CHSY3: variants seen among roughly 807,000 people sequenced by gnomAD.
CHSY3 encodes chondroitin sulfate synthase 3.
A neutral mutation model predicts 67.2 loss-of-function variants in CHSY3; 35 were observed. The ratio of observed to expected loss-of-function variants is 0.52; its 90% CI spans 0.40 to 0.69. CHSY3 has a LOEUF of 0.69. Ranked by LOEUF, CHSY3 falls within the 30% of genes least tolerant of loss-of-function variation. The pLI, the probability that CHSY3 is intolerant of heterozygous loss-of-function variation, is 0.00. For synonymous variants in CHSY3, 474 were observed against 434.7 expected (o/e 1.09, Z -1.12); for missense variants, 1,069 against 1,138.5 (o/e 0.94, Z 0.88).
chr5:130,044,011 G>A lies in CHSY3; in HGVS notation c.1086+135651G>A, dbSNP rs527303153. On this transcript the variant is annotated intron_variant, in intron 2 of 2. Transcript: ENST00000305031. Reference sequence around the variant, plus strand: ...TCAATATGGAGATATCAGGCACACAGCCGAATGGAGTCTGAAGCTCAGAGA... The same window carrying A: ...TCAATATGGAGATATCAGGCACACAACCGAATGGAGTCTGAAGCTCAGAGA... Among the ~76,000 whole-genome samples the A allele has an allele frequency of 1.7e-3, 263 of 152,216 alleles. 2 individuals carry two copies. The highest frequency in any genetic ancestry group is 6.1e-3 in the African/African-American group (255 of 41,558).
At chr5:130,104,497 G>T (rs1228078088) in intron 2 of CHSY3, among the ~76,000 whole-genome samples, 2 of 151,830 alleles carry the variant, frequency 1.3e-5, no homozygotes, top group Non-Finnish European at 3.0e-5. Context: ...GGGGGGAAGA[G>T]ATTACCTATT....
intron 2 of CHSY3, among the ~76,000 whole-genome samples, chr5:129,927,512 G>A (rs913752798): frequency 6.6e-6 from 1 of 151,872 alleles, no homozygotes; most frequent in African/African-American, 2.4e-5. Context: ...CAAGTATGTC[G>A]TTTGCAGAAT....
chr5:130,166,516 T>C (rs1769753055), intron 2 of CHSY3, among the ~76,000 whole-genome samples: 1 of 152,132 alleles, frequency 6.6e-6, no homozygotes, highest in Non-Finnish European at 1.5e-5. Context: ...AGTCCTTGTA[T>C]CTTCATTTCC....
In CHSY3 at chr5:130,094,027, A is replaced by G. The variant is rs371309974; in HGVS notation, c.1087-90202A>G. 1.3e-4 allele frequency among the ~76,000 whole-genome samples: 20 copies of G among 152,292 alleles called. No homozygotes were observed. In the East Asian group the frequency reaches 1.7e-3, roughly 13 times the overall value. ...ATCATAATGCATACAAAAATGCACAAGCACTTTCTGCATGAGCCATTTGTT... is the reference window on the plus strand; with the variant it reads ...ATCATAATGCATACAAAAATGCACAGGCACTTTCTGCATGAGCCATTTGTT... On this transcript the variant is annotated intron_variant, in intron 2 of 2. Transcript: ENST00000305031.
chr5:130,086,932 C>G (rs1235491510), intron 2 of CHSY3, among the ~76,000 whole-genome samples: 1 of 152,096 alleles, frequency 6.6e-6, no homozygotes, highest in Non-Finnish European at 1.5e-5. Context: ...AATTTTAGAC[C>G]AATATCCTTG....
At chr5:130,111,275 AT>A (rs143157726) in intron 2 of CHSY3, among the ~76,000 whole-genome samples, 11,992 of 152,158 alleles carry the variant, frequency 0.079, 732 homozygotes, top group African/African-American at 0.18. Context: ...GTTTTTAACC[AT>A]ATTGCTAGAA....
In CHSY3 at chr5:129,904,803, C is replaced by A; in HGVS notation, c.-27C>A. 3.7e-6 allele frequency: 5 copies of A among 1,361,766 alleles called. No individual in the cohort carries two copies. Among genetic ancestry groups the A allele is most frequent in the Non-Finnish European group, 4.7e-6 (5 of 1,056,430 alleles). 84.4% of individuals were successfully genotyped at this position (1,361,766 alleles called of 1,614,324 possible). ...CGCGTGCCGCGCCGCGACAGCCCAG[C>A]GAGCGTCCGCGCCCGGGACAGCCGC... On this transcript the variant is annotated 5_prime_UTR_variant, in exon 1 of 3. Transcript: ENST00000305031.
intron 2 of CHSY3, among the ~76,000 whole-genome samples, chr5:129,926,753 C>A (rs1310272727): frequency 6.6e-6 from 1 of 151,824 alleles, no homozygotes; most frequent in Non-Finnish European, 1.5e-5. Context: ...CTTCTGATGA[C>A]ATATTTTATA....
chr5:129,989,422 G>A (rs1046857475), intron 2 of CHSY3, among the ~76,000 whole-genome samples: 4 of 151,990 alleles, frequency 2.6e-5, no homozygotes, highest in South Asian at 2.1e-4. Context: ...CCACTGCCCC[G>A]TCAAATTTTG....
chr5:129,922,837 T>G (rs1760969895), intron 2 of CHSY3, among the ~76,000 whole-genome samples: 1 of 152,248 alleles, frequency 6.6e-6, no homozygotes, highest in Non-Finnish European at 1.5e-5. Flanking sequence ...TCAGTTGTTC[T>G]TAGAATTACC....
At chr5:130,063,662 A>C (rs1014776757) in intron 2 of CHSY3, among the ~76,000 whole-genome samples, 3 of 152,156 alleles carry the variant, frequency 2.0e-5, no homozygotes, top group Non-Finnish European at 4.4e-5. Context: ...AGACTGGATA[A>C]TTTATAAACA....
At chr5:130,073,464 T>G (rs1474970348) in intron 2 of CHSY3, among the ~76,000 whole-genome samples, 2 of 151,858 alleles carry the variant, frequency 1.3e-5, no homozygotes, top group Non-Finnish European at 2.9e-5. Flanking sequence ...GTTTTGGTAT[T>G]TTTAGTAGAG....
intron 2 of CHSY3, among the ~76,000 whole-genome samples, chr5:129,994,165 T>C (rs1763457980): frequency 6.6e-6 from 1 of 152,150 alleles, no homozygotes; most frequent in Non-Finnish European, 1.5e-5. Context: ...CATTTCAACT[T>C]TGGTGAATGT....
At chr5:130,130,297 C>G (rs1445470336) in intron 2 of CHSY3, among the ~76,000 whole-genome samples, 2 of 152,088 alleles carry the variant, frequency 1.3e-5, no homozygotes, top group African/African-American at 4.8e-5. Flanking sequence ...TTTCTGACTT[C>G]CAAACTTTTC....
At chr5:130,172,730 T>C (rs2149733483) in intron 2 of CHSY3, among the ~76,000 whole-genome samples, 1 of 152,310 alleles carries the variant, frequency 6.6e-6, no homozygotes, top group Admixed American at 6.5e-5. Context: ...AAACTGAAAC[T>C]CCGTGCCTGA....
chr5:130,159,951 A>C (rs1257899755), intron 2 of CHSY3, among the ~76,000 whole-genome samples: 1 of 152,080 alleles, frequency 6.6e-6, no homozygotes, highest in Admixed American at 6.5e-5. Context: ...TTTTTTTTGA[A>C]GAAAATCAAA....
intron 2 of CHSY3, among the ~76,000 whole-genome samples, chr5:129,994,871 G>A (rs1412224344): frequency 1.3e-5 from 2 of 150,772 alleles, no homozygotes; most frequent in Non-Finnish European, 3.0e-5. Flanking sequence ...CACAGGGTGG[G>A]GAACATCACA....
chr5:129,979,582 C>T (rs1434282740), intron 2 of CHSY3, among the ~76,000 whole-genome samples: 1 of 152,144 alleles, frequency 6.6e-6, no homozygotes, highest in Non-Finnish European at 1.5e-5. Context: ...ACATTTGTTA[C>T]AATCGATGAG....
At chr5:130,066,349 A>G (rs1765885740) in intron 2 of CHSY3, among the ~76,000 whole-genome samples, 1 of 152,092 alleles carries the variant, frequency 6.6e-6, no homozygotes, top group Admixed American at 6.6e-5. Context: ...CCACTGAGAA[A>G]ACCTCCCTCC....
Sources: allele counts gnomAD v4.1 joint callset (sites outside exome capture counted in the v4.1 genomes callset), GRCh38; gene constraint gnomAD v4.1.1; transcripts MANE v1.5; gene names NCBI Gene and HGNC (gene_info 2026-07-23, HGNC 2026-07-21).